Variants in UPK1A observed in about 807,000 individuals in gnomAD.
UPK1A encodes uroplakin-1a.
Under a neutral mutation model 32.3 loss-of-function variants are expected in UPK1A, and 31 were observed. That is an observed-to-expected ratio of 0.96 (90% CI 0.72 to 1.30). The LOEUF is 1.30. Among genes scored for constraint, UPK1A ranks in the 50% most tolerant of loss-of-function variants. The pLI is 0.00. For synonymous variants in UPK1A, 135 were observed against 137.1 expected (o/e 0.98, Z 0.11); for missense variants, 340 against 357.4 (o/e 0.95, Z 0.39).
intron 3 of UPK1A, 110 bp from the exon 4 acceptor site, chr19:35,673,122 C>T: frequency 9.6e-7 from 1 of 1,045,820 alleles, no homozygotes; most frequent in Non-Finnish European, 1.5e-6. Flanking sequence ...TGCTGCTAGT[C>T]ACACTGCCCC....
intron 3 of UPK1A, among the ~76,000 whole-genome samples, chr19:35,671,798 G>T (rs932671813): frequency 1.3e-5 from 2 of 151,886 alleles, no homozygotes; most frequent in African/African-American, 4.8e-5. Context: ...AAGTAGACTA[G>T]AGTCCGCAGT....
At chr19:35,668,614 T>C (rs754236748) in exon 3 of UPK1A, 2 of 1,614,050 alleles carry the variant, frequency 1.2e-6, no homozygotes, top group South Asian at 1.1e-5. Context: ...AGTTTTGGTG[T>C]GGGTGCCGCA....
At chr19:35,673,119 A>G (rs1216970023) in intron 3 of UPK1A, 113 bp from the exon 4 acceptor site, 4 of 942,716 alleles carry the variant, frequency 4.2e-6, no homozygotes, top group Non-Finnish European at 6.8e-6. Context: ...AGATGCTGCT[A>G]GTCACACTGC....
intron 3 of UPK1A, among the ~76,000 whole-genome samples, chr19:35,672,010 G>C (rs111626921): frequency 4.6e-5 from 7 of 152,190 alleles, no homozygotes; most frequent in African/African-American, 1.7e-4. Context: ...CAGTCAGGAG[G>C]TTGTGCAATG....
intron 5 of UPK1A, among the ~76,000 whole-genome samples, chr19:35,675,211 A>C (rs1968163035): frequency 6.6e-6 from 1 of 152,158 alleles, no homozygotes; most frequent in South Asian, 2.1e-4. Flanking sequence ...TTCCTTACCA[A>C]GGCCAGGAAA....
intron 3 of UPK1A, among the ~76,000 whole-genome samples, chr19:35,671,878 C>G (rs1032251212): frequency 2.0e-5 from 3 of 152,162 alleles, no homozygotes; most frequent in Admixed American, 1.3e-4. Context: ...ATTGTCTCCT[C>G]TATCCCCCTT....
exon 8 of UPK1A, chr19:35,678,292 T>C: frequency 2.7e-6 from 1 of 373,430 alleles, no homozygotes; most frequent in East Asian, 4.0e-5. Context: ...ACCTCTCTTG[T>C]AGCTCTCTGA....
intron 3 of UPK1A, among the ~76,000 whole-genome samples, chr19:35,672,261 GTTGT>G (rs1214938948): frequency 1.3e-5 from 2 of 152,102 alleles, no homozygotes; most frequent in Non-Finnish European, 2.9e-5. Flanking sequence ...ATCGTTTTAT[GTTGT>G]TTGTTTTATT....
At chr19:35,673,414 C>T (rs1438581439) in intron 4 of UPK1A, 24 bp from the exon 5 acceptor site, 2 of 1,612,934 alleles carry the variant, frequency 1.2e-6, no homozygotes, top group Admixed American at 3.3e-5. Flanking sequence ...CCTGCCGGCC[C>T]TTGTTCTTCC....
chr19:35,676,481 C>T (rs7507525), intron 6 of UPK1A: 11 of 228,878 alleles, frequency 4.8e-5, no homozygotes, highest in African/African-American at 9.5e-5. Flanking sequence ...TGAGCCACCA[C>T]GCTGGGTCCC....
intron 5 of UPK1A, among the ~76,000 whole-genome samples, chr19:35,674,280 T>C (rs1246343875): frequency 7.1e-6 from 1 of 141,276 alleles, no homozygotes; most frequent in African/African-American, 2.6e-5. Flanking sequence ...AGAGTCTTGC[T>C]CTGTCGCCCA....
exon 6 of UPK1A, chr19:35,675,934 C>T (rs749277609): frequency 1.2e-6 from 2 of 1,614,012 alleles, no homozygotes; most frequent in South Asian, 1.1e-5. Flanking sequence ...CCCTGGCCCC[C>T]ACTGTGCTGT....
chr19:35,666,994 C>T (rs912071015), intron 2 of UPK1A, 98 bp downstream of exon 2: 5 of 1,242,856 alleles, frequency 4.0e-6, no homozygotes, highest in Middle Eastern at 2.0e-4. Context: ...AACTGTCTCT[C>T]GGGCAGACTC....
chr19:35,671,458 CTT>C lies in UPK1A; in HGVS notation c.286-1758_286-1757del, dbSNP rs34302366. 1.1e-3 allele frequency among the ~76,000 whole-genome samples: 91 copies of C among 79,680 alleles called. 1 individual carries two copies. Among genetic ancestry groups the C allele is most frequent in the South Asian group, 4.0e-3 (8 of 2,006 alleles). The allele number at this position is 79,680 out of a possible 152,430, so 52.3% of individuals were successfully genotyped here. A position where few individuals can be genotyped will look rare whatever the true frequency, so the allele number is the denominator to read the frequency against. On this transcript the variant is annotated intron_variant, in intron 3 of 7. Coordinates refer to ENST00000617999, the Ensembl canonical transcript of UPK1A. ...ACTAAGACATTTTCTCCCCAAATTTCTTTTTTTTTTTTTTTTTGAGACGGAGT... is the reference window on the plus strand; with the variant it reads ...ACTAAGACATTTTCTCCCCAAATTTCTTTTTTTTTTTTTTTGAGACGGAGT...
chr19:35,676,561 C>T (rs1006801072), intron 6 of UPK1A, among the ~76,000 whole-genome samples: 4 of 151,922 alleles, frequency 2.6e-5, no homozygotes, highest in Non-Finnish European at 5.9e-5. Flanking sequence ...TCTGTCTGAA[C>T]CAGACCTGGC....
chr19:35,668,625 C>T (rs981011094), exon 3 of UPK1A: 2 of 1,613,700 alleles, frequency 1.2e-6, no homozygotes, highest in Non-Finnish European at 8.5e-7. Context: ...GGGTGCCGCA[C>T]TCTGCCGCCG....
At chr19:35,673,738 G>C (rs115792385) in intron 5 of UPK1A, among the ~76,000 whole-genome samples, 193 bp downstream of exon 5, 3,544 of 152,210 alleles carry the variant, frequency 0.023, 129 homozygotes, top group African/African-American at 0.08. Flanking sequence ...AAAGTCCCTT[G>C]CCCGAGGCCA....
chr19:35,666,854 A>G, exon 2 of UPK1A: 1 of 1,613,908 alleles, frequency 6.2e-7, no homozygotes, highest in Non-Finnish European at 8.5e-7. Context: ...AGGGATCTCC[A>G]GTTGTGGTGG....
chr19:35,669,440 A>G (rs748023253), intron 3 of UPK1A, among the ~76,000 whole-genome samples: 1 of 151,460 alleles, frequency 6.6e-6, no homozygotes, highest in African/African-American at 2.4e-5. Context: ...TGAGGCGGAC[A>G]GATCATTTGA....
Sources: allele counts gnomAD v4.1 joint callset (sites outside exome capture counted in the v4.1 genomes callset), GRCh38; gene constraint gnomAD v4.1.1; transcripts MANE v1.5; gene names NCBI Gene and HGNC (gene_info 2026-07-23, HGNC 2026-07-21).